The following RAP1A variants were observed in gnomAD, a reference collection of about 807,000 sequenced individuals.
The protein encoded by RAP1A is ras-related protein Rap-1A.
RAP1A carries 6 observed loss-of-function variants against 26.4 expected under a neutral mutation model. The ratio of observed to expected loss-of-function variants is 0.23; its 90% CI spans 0.12 to 0.45. RAP1A has a LOEUF of 0.45. Ranked by LOEUF, RAP1A falls within the 20% of genes least tolerant of loss-of-function variation. The pLI is 0.99. For synonymous variants in RAP1A, 73 were observed against 79.4 expected, an observed-to-expected ratio of 0.92 and a Z score of 0.43; for missense variants, 121 against 217.2, an observed-to-expected ratio of 0.56 and a Z score of 2.78.
intron 1 of RAP1A, among the ~76,000 whole-genome samples, chr1:111,639,456 A>AT (rs779282226): frequency 2.0e-4 from 29 of 142,400 alleles, no homozygotes; most frequent in Non-Finnish European, 3.1e-4. Context: ...AAAAATGCTA[A>AT]TTTTTTTCTG....
In RAP1A at chr1:111,638,713, A is replaced by G. The variant is rs151018387; in HGVS notation, c.-28+18779A>G. 1.3e-3 allele frequency among the ~76,000 whole-genome samples: 192 copies of G among 152,304 alleles called. 2 individuals are homozygous for G. The highest frequency in any genetic ancestry group is 4.2e-3 in the African/African-American group (176 of 41,568). The stretch of plus-strand genomic sequence containing the variant: ...AGTTCTGGGATTATAGGTGTGAGCC[A>G]CCGTACCCTGTGTTTTCTATTTTTT... On this transcript the variant is annotated intron_variant, in intron 1 of 7. Transcript: ENST00000369709.
At chr1:111,668,738 A>G (rs1660876692) in intron 1 of RAP1A, among the ~76,000 whole-genome samples, 1 of 152,150 alleles carries the variant, frequency 6.6e-6, no homozygotes, top group South Asian at 2.1e-4. Flanking sequence ...TTAGAAATGA[A>G]ATATATAGGC....
intron 6 of RAP1A, among the ~76,000 whole-genome samples, chr1:111,704,736 C>G (rs1017470579): frequency 1.3e-5 from 2 of 152,144 alleles, no homozygotes; most frequent in Non-Finnish European, 2.9e-5. Flanking sequence ...TGTGTAAAAT[C>G]CTGCTAAGCC....
chr1:111,680,172 C>T (rs547542685), intron 1 of RAP1A, among the ~76,000 whole-genome samples: 20 of 152,324 alleles, frequency 1.3e-4, no homozygotes, highest in Non-Finnish European at 2.1e-4. Flanking sequence ...AATGAAGCCA[C>T]GGACCTTCAT....
Position 111,715,691 on chromosome 1 carries a change from A to G in RAP1A, c.*3290A>G, listed in dbSNP as rs928415876. ...AATGGCCACCATTTACTCCTCACTG[A>G]AATATTCTTCTTCTTTGAGGTTATA... is the stretch of plus-strand genomic sequence containing the variant. On this transcript the variant is annotated 3_prime_UTR_variant, in exon 8 of 8. Coordinates refer to ENST00000369709, the MANE Select transcript of RAP1A (RefSeq NM_002884.4). The G allele has an allele frequency of 6.6e-6, 1 of 152,238 alleles. No homozygotes were observed. Among genetic ancestry groups the G allele is most frequent in the African/African-American group, 2.4e-5 (1 of 41,464 alleles). 9.4% of individuals were successfully genotyped at this position (152,238 alleles called of 1,614,324 possible).
At chr1:111,605,860 A>C (rs1346556410) in intron 1 of RAP1A, among the ~76,000 whole-genome samples, 2 of 152,328 alleles carry the variant, frequency 1.3e-5, no homozygotes, top group East Asian at 3.9e-4. Flanking sequence ...TGGTAAGAGA[A>C]AATCAAAATA....
chr1:111,577,338 G>T (rs1658166003), intron 1 of RAP1A, among the ~76,000 whole-genome samples: 1 of 136,196 alleles, frequency 7.3e-6, no homozygotes, highest in East Asian at 2.4e-4. Flanking sequence ...GGAGGTGGAG[G>T]TTGCAATGAG....
In RAP1A at chr1:111,566,545, T is replaced by G. The variant is rs146822277; in HGVS notation, c.-28+24036T>G. Among the ~76,000 whole-genome samples, 765 of 152,270 alleles carry G rather than the reference T, an allele frequency of 5.0e-3. 4 individuals are homozygous for G. Among genetic ancestry groups the G allele is most frequent in the African/African-American group, 0.017 (713 of 41,532 alleles). ...CATATTTCCCCCTGACCGTAAACATTATGAATAAAGAAACATCACCTGGAA... is the reference window on the plus strand; with the variant it reads ...CATATTTCCCCCTGACCGTAAACATGATGAATAAAGAAACATCACCTGGAA... On this transcript the variant is annotated intron_variant, in intron 1 of 7. Coordinates refer to the RAP1A transcript ENST00000356415.
At chr1:111,634,214 T>C (rs74109834) in intron 1 of RAP1A, among the ~76,000 whole-genome samples, 8,066 of 152,164 alleles carry the variant, frequency 0.053, 459 homozygotes, top group African/African-American at 0.14. Flanking sequence ...TTTGAGAGAG[T>C]GCCCTTTATA....
intron 1 of RAP1A, among the ~76,000 whole-genome samples, chr1:111,547,941 T>G (rs1657098897): frequency 6.6e-6 from 1 of 152,236 alleles, no homozygotes; most frequent in Non-Finnish European, 1.5e-5. Context: ...GCTTTGACCA[T>G]CCCAAAAAAC....
rs1004799930 is a variant in RAP1A at position 111,714,974 on chromosome 1, C to G, written c.*2573C>G. 2 of 152,138 alleles carry G rather than the reference C, an allele frequency of 1.3e-5. No individual in the cohort carries two copies. The highest frequency in any genetic ancestry group is 6.5e-5 in the Admixed American group (1 of 15,272). The allele number at this position is 152,138 out of a possible 1,614,324, so 9.4% of individuals were successfully genotyped here. On this transcript the variant is annotated 3_prime_UTR_variant, in exon 8 of 8. Transcript: ENST00000369709. The stretch of plus-strand genomic sequence containing the variant: ...TTCATGCCATAGTTCATAGTTTGCT[C>G]TAATGGCTTGGTGGTATCCCTGAAC...
At chr1:111,547,105 G>C (rs1657060186) in intron 1 of RAP1A, among the ~76,000 whole-genome samples, 1 of 152,040 alleles carries the variant, frequency 6.6e-6, no homozygotes, top group Non-Finnish European at 1.5e-5. Flanking sequence ...ACTAATTTTT[G>C]TATATTGGTC....
At chr1:111,620,048 C>T (rs1024740592) in intron 1 of RAP1A, 114 bp downstream of exon 1, 6 of 394,256 alleles carry the variant, frequency 1.5e-5, no homozygotes, top group African/African-American at 1.2e-4. Context: ...CTCCCCCTTC[C>T]TCCTCCGCGT....
At chr1:111,587,362 C>A (rs749948052) in intron 1 of RAP1A, among the ~76,000 whole-genome samples, 10 of 152,116 alleles carry the variant, frequency 6.6e-5, no homozygotes, top group Non-Finnish European at 1.2e-4. Context: ...GCTATCAGGT[C>A]GGAACTCCCT....
At chr1:111,548,753 T>G (rs1432334274) in intron 1 of RAP1A, among the ~76,000 whole-genome samples, 1 of 152,226 alleles carries the variant, frequency 6.6e-6, no homozygotes, top group Non-Finnish European at 1.5e-5. Flanking sequence ...CATTGCTGAT[T>G]TCTTTGGGGC....
intron 1 of RAP1A, among the ~76,000 whole-genome samples, chr1:111,580,850 CAAAA>C (rs1232201411): frequency 3.9e-5 from 3 of 76,498 alleles, no homozygotes; most frequent in Non-Finnish European, 9.3e-5. Flanking sequence ...GTCTCAAAAA[CAAAA>C]AAACAAAAAA....
chr1:111,547,485 AAAAATAT>A (rs1393653886), intron 1 of RAP1A, among the ~76,000 whole-genome samples: 1 of 152,160 alleles, frequency 6.6e-6, no homozygotes, highest in Non-Finnish European at 1.5e-5. Context: ...AATGGAGTTA[AAAAATAT>A]AAAATATAAA....
chr1:111,546,332 T>C (rs957745050), intron 1 of RAP1A, among the ~76,000 whole-genome samples: 5 of 152,168 alleles, frequency 3.3e-5, no homozygotes, highest in Non-Finnish European at 7.4e-5. Context: ...TACATTTACA[T>C]TGTTGTGCAA....
At chr1:111,633,873 T>A (rs1448503049) in intron 1 of RAP1A, among the ~76,000 whole-genome samples, 3 of 152,252 alleles carry the variant, frequency 2.0e-5, no homozygotes, top group Non-Finnish European at 4.4e-5. Flanking sequence ...CGTGGACTGC[T>A]GTCACAACAG....
Sources: allele counts gnomAD v4.1 joint callset (sites outside exome capture counted in the v4.1 genomes callset), GRCh38; gene constraint gnomAD v4.1.1; transcripts MANE v1.5; gene names NCBI Gene and HGNC (gene_info 2026-07-23, HGNC 2026-07-21).